The following PCLO variants were observed in gnomAD, a reference collection of about 807,000 sequenced individuals.
The protein encoded by PCLO is protein piccolo.
A neutral mutation model predicts 427.5 loss-of-function variants in PCLO; 82 were observed. That is an observed-to-expected ratio of 0.19 (90% confidence interval 0.16 to 0.23). PCLO has a LOEUF of 0.23. Ranked by LOEUF, PCLO falls within the 10% of genes least tolerant of loss-of-function variation. PCLO has a pLI of 1.00. For synonymous variants in PCLO, 2,357 were observed against 2,155.4 expected, an observed-to-expected ratio of 1.09 and a Z score of -2.59; for missense variants, 6,239 against 6,115.9, an observed-to-expected ratio of 1.02 and a Z score of -0.67.
chr7:83,127,487 AT>A (rs2116589279), intron 3 of PCLO, among the ~76,000 whole-genome samples: 1 of 152,228 alleles, frequency 6.6e-6, no homozygotes, highest in Non-Finnish European at 1.5e-5. Context: ...GAACCCATTC[AT>A]TTTCCTTCAG....
At chr7:82,766,168 A>G (rs79722760) in intron 22 of PCLO, among the ~76,000 whole-genome samples, 2,981 of 152,228 alleles carry the variant, frequency 0.02, 108 homozygotes, top group African/African-American at 0.068. Flanking sequence ...GCCCTAGGAA[A>G]AAATCAAAAT....
In PCLO at chr7:82,952,917, A is replaced by G; in HGVS notation, c.8036T>C (p.Val2679Ala). ...FLTTEVSKTE[V>A]SATRSTAPSV... ...AGGAGCTGTACTTCTGGTTGCTGAA[A>G]CCTCAGTCTTGGAAACTTCAGTAGT... Residue 2679 changes from valine to alanine, a missense_variant, in exon 5 of 25, where the codon GTT becomes GCT. This residue lies in a region of PCLO where 4,677 missense variants were observed against 4,468.4 expected (regional missense o/e 1.05). Coordinates refer to ENST00000333891, the MANE Select transcript of PCLO (RefSeq NM_033026.6). The G allele has an allele frequency of 1.2e-6, 2 of 1,613,788 alleles. No homozygotes were observed. The highest frequency in any genetic ancestry group is 1.7e-6 in the Non-Finnish European group (2 of 1,179,824).
intron 4 of PCLO, among the ~76,000 whole-genome samples, chr7:82,959,074 C>T (rs989740647): frequency 6.6e-6 from 1 of 151,912 alleles, no homozygotes; most frequent in Non-Finnish European, 1.5e-5. Context: ...TTTCTTCTTA[C>T]TATTTTTTTT....
intron 8 of PCLO, among the ~76,000 whole-genome samples, chr7:82,903,711 G>T (rs905080089): frequency 6.6e-6 from 1 of 151,768 alleles, no homozygotes; most frequent in Non-Finnish European, 1.5e-5. Flanking sequence ...GAAAATTTTT[G>T]ACTTAAATTA....
intron 9 of PCLO, among the ~76,000 whole-genome samples, chr7:82,901,599 T>C (rs1304866616): frequency 6.6e-6 from 1 of 152,046 alleles, no homozygotes; most frequent in Admixed American, 6.6e-5. Flanking sequence ...CTAAAGAGCC[T>C]CTGCACAGCA....
At chr7:82,978,326 A>T (rs1796068806) in intron 3 of PCLO, among the ~76,000 whole-genome samples, 1 of 152,164 alleles carries the variant, frequency 6.6e-6, no homozygotes, top group Non-Finnish European at 1.5e-5. Flanking sequence ...TTGTTAAAAA[A>T]ATATGATTAT....
chr7:82,829,055 C>T (rs1350210454), intron 16 of PCLO, among the ~76,000 whole-genome samples: 3 of 152,090 alleles, frequency 2.0e-5, no homozygotes, highest in African/African-American at 7.2e-5. Context: ...TCAAGTATTG[C>T]CATATCCTGG....
rs181878473 is a variant in PCLO, at chr7:83,145,613, T to C, written c.1893+9135A>G. Among the ~76,000 whole-genome samples the C allele has an allele frequency of 7.1e-3, 1,076 of 152,290 alleles. 8 individuals are homozygous for C. Among genetic ancestry groups the C allele is most frequent in the South Asian group, 0.014 (66 of 4,826 alleles). On this transcript the variant is annotated intron_variant, in intron 2 of 24. Coordinates refer to ENST00000333891, the MANE Select transcript of PCLO (RefSeq NM_033026.6). Reference sequence around the variant, plus strand: ...AATTCTTAACCCCAGTTTTCTTATCTACCAATGGAGTCAATAATGATGGTG... The same window carrying C: ...AATTCTTAACCCCAGTTTTCTTATCCACCAATGGAGTCAATAATGATGGTG...
chr7:82,844,586 G>C (rs1318608903), intron 13 of PCLO, among the ~76,000 whole-genome samples: 1 of 151,904 alleles, frequency 6.6e-6, no homozygotes, highest in African/African-American at 2.4e-5. Flanking sequence ...TTAAACAAAA[G>C]GACACTTTTT....
Position 82,956,449 on chromosome 7 carries a change from C to G in PCLO, c.4504G>C (p.Asp1502His). The G allele has an allele frequency of 6.2e-7, 1 of 1,613,768 alleles. No homozygotes were observed. The highest frequency in any genetic ancestry group is 8.5e-7 in the Non-Finnish European group (1 of 1,179,764). ...DHKEKSEFVDDITTRREPYDS... is the reference protein window; with the variant it reads ...DHKEKSEFVDHITTRREPYDS... ...TAAGGCTCTCTTCTAGTAGTTATGT[C>G]ATCAACAAACTCAGACTTCTCTTTA... The change falls in exon 5 of 25, where the codon GAC becomes CAC. Residue 1502 changes from aspartate (D) to histidine (H), a missense_variant. Transcript: ENST00000333891.
rs553281033 is a variant in PCLO, at chr7:83,145,816, A to T, written c.1893+8932T>A. On this transcript the variant is annotated intron_variant, in intron 2 of 24. Coordinates refer to ENST00000333891, the MANE Select transcript of PCLO (RefSeq NM_033026.6). Reference sequence around the variant, plus strand: ...AAATAATGAAACTAAACACTTAAAAAACAATAAAGTCACCTGACCAAATCA... The same window carrying T: ...AAATAATGAAACTAAACACTTAAAATACAATAAAGTCACCTGACCAAATCA... Among the ~76,000 whole-genome samples the T allele has an allele frequency of 3.3e-5, 5 of 152,314 alleles. No individual in the cohort carries two copies. The South Asian group carries it at 1.0e-3, about 32-fold the overall frequency.
intron 22 of PCLO, among the ~76,000 whole-genome samples, chr7:82,789,793 T>G (rs1205355529): frequency 3.9e-5 from 6 of 152,214 alleles, no homozygotes; most frequent in African/African-American, 1.4e-4. Flanking sequence ...TATTGTCTTA[T>G]AAAGCATAGT....
intron 10 of PCLO, among the ~76,000 whole-genome samples, chr7:82,874,868 T>C (rs1018852058): frequency 6.6e-6 from 1 of 152,180 alleles, no homozygotes; most frequent in African/African-American, 2.4e-5. Context: ...GACAACATTG[T>C]ATACCATTGA....
chr7:82,992,939 G>C (rs974606600), intron 3 of PCLO, among the ~76,000 whole-genome samples: 2 of 151,832 alleles, frequency 1.3e-5, no homozygotes, highest in Non-Finnish European at 2.9e-5. Context: ...TGTGTTTGAG[G>C]GCCACTTAAA....
At chr7:83,016,033 G>C (rs968995854) in intron 3 of PCLO, among the ~76,000 whole-genome samples, 1 of 152,030 alleles carries the variant, frequency 6.6e-6, no homozygotes, top group East Asian at 1.9e-4. Flanking sequence ...CTCCTGAATT[G>C]TTTTCATGAA....
intron 3 of PCLO, 32 bp downstream of exon 3, chr7:83,134,218 A>AATATATATATATATATATAT (rs61658777): frequency 8.1e-5 from 35 of 430,196 alleles, no homozygotes; most frequent in East Asian, 2.9e-4. Flanking sequence ...CTCCATATGT[A>AATATATATATATATATATAT]ATATATATAT....
At position 82,949,722 on chromosome 7, in the gene PCLO, G is replaced by A; in HGVS notation, c.10866C>T (p.Val3622=). 6.2e-7 allele frequency: 1 copy of A among 1,613,818 alleles called. No homozygotes were observed. The highest frequency in any genetic ancestry group is 8.5e-7 in the Non-Finnish European group (1 of 1,179,852). Residue 3622 remains valine (V), a synonymous_variant, in exon 6 of 25, where the codon GTC becomes GTT. Transcript: ENST00000333891. The stretch of plus-strand genomic sequence containing the variant: ...AAAGTGGTGAGATGGGTGAGTAAAG[G>A]ACTTTGGGGGATTTGGGTGGGGAAG... ...LAPSPPKSPK[V]LYSPISPLSP...
At chr7:83,143,747 A>T (rs2116646340) in intron 2 of PCLO, among the ~76,000 whole-genome samples, 1 of 152,282 alleles carries the variant, frequency 6.6e-6, no homozygotes, top group South Asian at 2.1e-4. Flanking sequence ...ACAATTACAC[A>T]AAGAGAGGAG....
At chr7:83,001,921 C>T (rs1019400475) in intron 3 of PCLO, among the ~76,000 whole-genome samples, 2 of 151,948 alleles carry the variant, frequency 1.3e-5, no homozygotes, top group Non-Finnish European at 2.9e-5. Context: ...GTTTGGGATT[C>T]TGAGAGGTGT....
Sources: gnomAD v4.1 joint callset for allele counts (sites outside exome capture counted in the v4.1 genomes callset) on GRCh38, gnomAD v4.1.1 for gene constraint, gnomAD v4.1.1 regional missense constraint, MANE v1.5 for transcripts, NCBI Gene and HGNC (gene_info 2026-07-23, HGNC 2026-07-21) for gene names.